The following LEKR1 variants were observed in gnomAD, a reference collection of about 807,000 sequenced individuals.
LEKR1 encodes leucine, glutamate and lysine rich 1, also known as protein LEKR1.
A neutral mutation model predicts 72.4 loss-of-function variants in LEKR1; 59 were observed. That is an observed-to-expected ratio of 0.82 (90% CI 0.66 to 1.01). The LOEUF is 1.01. Ranked by LOEUF, LEKR1 falls within the 50% of genes least tolerant of loss-of-function variation. LEKR1 has a pLI of 0.00. For synonymous variants in LEKR1, 257 were observed against 263.2 expected (o/e 0.98, Z 0.23); for missense variants, 728 against 759.2 (o/e 0.96, Z 0.48).
In LEKR1 at chr3:156,836,524, A is replaced by G. The variant is rs200166103; in HGVS notation, c.48+7147A>G. Among the ~76,000 whole-genome samples the G allele has an allele frequency of 2.0e-5, 3 of 152,248 alleles. No individual in the cohort carries two copies. In the East Asian group the frequency reaches 5.8e-4, roughly 29 times the overall value. On this transcript the variant is annotated intron_variant, in intron 2 of 12. Transcript: ENST00000356539. ...TAGTTAAGCCAACTTTTAACCATAG[A>G]GCTTCGTTAAAGAAATCCTTTTAAA...
intron 7 of LEKR1, among the ~76,000 whole-genome samples, chr3:156,987,162 CTAAGAG>C (rs1730764454): frequency 6.6e-6 from 1 of 151,984 alleles, no homozygotes; most frequent in East Asian, 1.9e-4. Flanking sequence ...CCACTATTTG[CTAAGAG>C]TAAAAGAAGG....
intron 3 of LEKR1, among the ~76,000 whole-genome samples, chr3:156,916,174 A>T (rs1237410587): frequency 6.6e-6 from 1 of 152,058 alleles, no homozygotes; most frequent in African/African-American, 2.4e-5. Context: ...CCCGTAGCAT[A>T]GTTTGAAGTT....
chr3:156,867,256 G>T (rs768003280), intron 3 of LEKR1, among the ~76,000 whole-genome samples: 1 of 152,106 alleles, frequency 6.6e-6, no homozygotes, highest in South Asian at 2.1e-4. Context: ...TATAAAATTT[G>T]TAGTCCAAAT....
intron 3 of LEKR1, among the ~76,000 whole-genome samples, chr3:156,897,963 A>T (rs557132270): frequency 6.6e-6 from 1 of 152,082 alleles, no homozygotes; most frequent in Non-Finnish European, 1.5e-5. Context: ...CAAAAAAAAA[A>T]AAAAAAGAAA....
At chr3:157,025,128 G>A (rs1249221116) in intron 11 of LEKR1, among the ~76,000 whole-genome samples, 1 of 152,112 alleles carries the variant, frequency 6.6e-6, no homozygotes. Context: ...ATGTAATCCA[G>A]CTATGTATGG....
At chr3:156,861,685 C>T (rs1716777302) in intron 3 of LEKR1, among the ~76,000 whole-genome samples, 1 of 152,050 alleles carries the variant, frequency 6.6e-6, no homozygotes, top group Non-Finnish European at 1.5e-5. Flanking sequence ...CCAGTAGACA[C>T]AGGGCCATTA....
intron 3 of LEKR1, among the ~76,000 whole-genome samples, chr3:156,910,112 A>G (rs1255498467): frequency 2.0e-5 from 3 of 152,182 alleles, no homozygotes; most frequent in Non-Finnish European, 2.9e-5. Context: ...TTAAAAATCT[A>G]TTCTTTTCCC....
In LEKR1 at chr3:156,920,642, A is replaced by C; in HGVS notation, c.331A>C (p.Ser111Arg). The C allele has an allele frequency of 6.9e-7, 1 of 1,452,814 alleles. No homozygotes were observed. Among genetic ancestry groups the C allele is most frequent in the Non-Finnish European group, 9.3e-7 (1 of 1,076,188 alleles). The allele number at this position is 1,452,814 out of a possible 1,614,324, so 90.0% of individuals were successfully genotyped here. The change falls in exon 4 of 13, where the codon AGT (serine) becomes CGT (arginine). Residue 111 changes from serine (S) to arginine (R), a missense_variant. Coordinates refer to ENST00000356539, the MANE Select transcript of LEKR1 (RefSeq NM_001004316.3). ...NEFQKVKKQL[S>R]HLQDELKIKY... The stretch of plus-strand genomic sequence containing the variant: ...ATTTCAGAAAGTAAAGAAACAACTG[A>C]GTCATTTGCAAGATGAGCTAAAAAT...
chr3:157,039,423 A>T (rs1001694799), intron 12 of LEKR1, among the ~76,000 whole-genome samples: 1 of 152,186 alleles, frequency 6.6e-6, no homozygotes, highest in African/African-American at 2.4e-5. Context: ...GTTCAAGACC[A>T]GCCTGGGAAA....
intron 3 of LEKR1, among the ~76,000 whole-genome samples, chr3:156,907,961 C>G (rs368002887): frequency 1.3e-5 from 2 of 151,844 alleles, no homozygotes; most frequent in African/African-American, 4.8e-5. Flanking sequence ...TTCATGGTCT[C>G]GAGGCTTTTA....
chr3:156,865,529 T>C (rs1310723620), intron 3 of LEKR1, among the ~76,000 whole-genome samples: 1 of 152,208 alleles, frequency 6.6e-6, no homozygotes, highest in East Asian at 1.9e-4. Context: ...TCTGTCCATA[T>C]GTTTATCAAT....
intron 6 of LEKR1, among the ~76,000 whole-genome samples, chr3:156,947,079 G>C (rs903856280): frequency 4.0e-5 from 6 of 150,462 alleles, no homozygotes; most frequent in Non-Finnish European, 8.9e-5. Flanking sequence ...TTTTCATTTT[G>C]TTGATCTTTT....
At chr3:156,981,643 T>G (rs1730214462) in intron 7 of LEKR1, among the ~76,000 whole-genome samples, 1 of 152,158 alleles carries the variant, frequency 6.6e-6, no homozygotes, top group Admixed American at 6.5e-5. Context: ...CTACTCTCCT[T>G]TACTGCTAGG....
chr3:156,980,713 C>T (rs907565538), intron 7 of LEKR1, among the ~76,000 whole-genome samples: 1 of 152,118 alleles, frequency 6.6e-6, no homozygotes, highest in Admixed American at 6.6e-5. Context: ...ACAGTCTAGG[C>T]ATAGGGAGGT....
intron 12 of LEKR1, among the ~76,000 whole-genome samples, chr3:157,043,322 A>C (rs1735503867): frequency 6.6e-6 from 1 of 152,214 alleles, no homozygotes; most frequent in Non-Finnish European, 1.5e-5. Flanking sequence ...AATAACTCCA[A>C]CACGTTGCCA....
intron 10 of LEKR1, among the ~76,000 whole-genome samples, chr3:157,018,693 CTTGTAG>C (rs1271023326): frequency 6.6e-6 from 1 of 152,134 alleles, no homozygotes; most frequent in Non-Finnish European, 1.5e-5. Flanking sequence ...TTGTTTCCAC[CTTGTAG>C]TTGCTCTATG....
At chr3:156,942,265 C>T (rs1416164001) in intron 5 of LEKR1, among the ~76,000 whole-genome samples, 1 of 151,832 alleles carries the variant, frequency 6.6e-6, no homozygotes, top group Non-Finnish European at 1.5e-5. Flanking sequence ...AAAAAGCAGG[C>T]TGTATTACCA....
At chr3:156,994,023 A>G (rs1362459046) in intron 9 of LEKR1, among the ~76,000 whole-genome samples, 2 of 151,974 alleles carry the variant, frequency 1.3e-5, no homozygotes, top group Admixed American at 1.3e-4. Context: ...TTACTGATAT[A>G]ATTATTATAT....
rs75628516 is a variant in LEKR1 at position 156,931,750 on chromosome 3, A to G, written c.559+4146A>G. 2.9e-3 allele frequency among the ~76,000 whole-genome samples: 446 copies of G among 152,256 alleles called. 18 individuals carry two copies. In the East Asian group the frequency reaches 0.077, roughly 26 times the overall value. On this transcript the variant is annotated intron_variant, in intron 5 of 12. Coordinates refer to ENST00000356539, the MANE Select transcript of LEKR1 (RefSeq NM_001004316.3). ...GAAAATAGCCTTACACAAATAATACATATTGTATTATTTCATTTATACGAT... is the reference window on the plus strand; with the variant it reads ...GAAAATAGCCTTACACAAATAATACGTATTGTATTATTTCATTTATACGAT...
Sources: gnomAD v4.1 joint callset for allele counts (sites outside exome capture counted in the v4.1 genomes callset) on GRCh38, gnomAD v4.1.1 for gene constraint, MANE v1.5 for transcripts, NCBI Gene and HGNC (gene_info 2026-07-23, HGNC 2026-07-21) for gene names.